Variants in GSDMC observed in about 807,000 individuals in gnomAD.
The protein encoded by GSDMC is gasdermin C.
Under a neutral mutation model 58.0 loss-of-function variants are expected in GSDMC, and 59 were observed. That is an observed-to-expected ratio of 1.02 (90% CI 0.82 to 1.26). The LOEUF (loss-of-function observed/expected upper bound fraction) is 1.26. GSDMC is among the 50% of genes most tolerant of loss of function. The pLI is 0.00. For missense variants in GSDMC, 659 were observed against 598.5 expected (o/e 1.10, Z -1.06); for synonymous variants, 241 against 220.2 (o/e 1.09, Z -0.83).
downstream of GSDMC, among the ~76,000 whole-genome samples, chr8:129,747,362 T>C (rs1166655540): frequency 1.3e-5 from 2 of 151,876 alleles, no homozygotes; most frequent in African/African-American, 4.8e-5. Context: ...AGATAGGAGA[T>C]GATAGAAGAG....
chr8:129,751,266 G>A (rs2033179354), intron 10 of GSDMC, among the ~76,000 whole-genome samples: 1 of 152,176 alleles, frequency 6.6e-6, no homozygotes, highest in African/African-American at 2.4e-5. Flanking sequence ...GAGACATCTG[G>A]CTCCCTCAGG....
chr8:129,775,783 C>T (rs1437906490), intron 3 of GSDMC, among the ~76,000 whole-genome samples: 1 of 152,098 alleles, frequency 6.6e-6, no homozygotes, highest in Non-Finnish European at 1.5e-5. Context: ...TATTTTCTTA[C>T]TCCCTGCCCA....
At position 129,782,736 on chromosome 8, in the gene GSDMC, A is replaced by C. The variant is rs145129316; in HGVS notation, c.-5+3275T>G. On this transcript the variant is annotated intron_variant, in intron 1 of 13. Transcript: ENST00000276708. ...TAATAAAAAGTCTCCCAGTAAATAA[A>C]AGCCTGGGACCCAGTGAATTCAATG... Among the ~76,000 whole-genome samples the C allele has an allele frequency of 3.5e-3, 538 of 152,266 alleles. 3 individuals carry two copies. Among genetic ancestry groups the C allele is most frequent in the African/African-American group, 0.013 (522 of 41,560 alleles).
At chr8:129,766,876 A>G (rs779090598) in intron 3 of GSDMC, among the ~76,000 whole-genome samples, 1 of 152,164 alleles carries the variant, frequency 6.6e-6, no homozygotes, top group Non-Finnish European at 1.5e-5. Flanking sequence ...GTCCCATGTC[A>G]CAGAGAACAT....
downstream of GSDMC, among the ~76,000 whole-genome samples, chr8:129,747,186 G>A (rs1417608973): frequency 6.6e-6 from 1 of 151,874 alleles, no homozygotes; most frequent in Non-Finnish European, 1.5e-5. Flanking sequence ...GAACCTGGGA[G>A]GTGGAGGTTG....
At chr8:129,776,738 C>CTGTTGT (rs35034463) in intron 2 of GSDMC, among the ~76,000 whole-genome samples, 1 of 150,900 alleles carries the variant, frequency 6.6e-6, no homozygotes, top group Non-Finnish European at 1.5e-5. Flanking sequence ...TTGGTTTTTG[C>CTGTTGT]TGTTGTTGTT....
At chr8:129,771,596 A>G (rs2034050769) in intron 3 of GSDMC, among the ~76,000 whole-genome samples, 1 of 152,216 alleles carries the variant, frequency 6.6e-6, no homozygotes, top group Non-Finnish European at 1.5e-5. Context: ...AATTCAAAAA[A>G]TATCTGAGAC....
At chr8:129,777,754 T>C (rs2034286485) in intron 1 of GSDMC, among the ~76,000 whole-genome samples, 163 bp from the exon 2 acceptor site, 1 of 152,194 alleles carries the variant, frequency 6.6e-6, no homozygotes, top group Admixed American at 6.5e-5. Flanking sequence ...TTTGAGTTCA[T>C]TTTTTTGTTG....
chr8:129,712,663 G>C, the GSDMC span, among the ~76,000 whole-genome samples: 1 of 152,142 alleles, frequency 6.6e-6, no homozygotes, highest in Non-Finnish European at 1.5e-5. Context: ...TGAAAACAAG[G>C]GCTTGGGCAT....
At chr8:129,756,054 T>G (rs1484444563) in intron 6 of GSDMC, among the ~76,000 whole-genome samples, 1 of 145,340 alleles carries the variant, frequency 6.9e-6, no homozygotes, top group Non-Finnish European at 1.5e-5. Flanking sequence ...AGATGAAGAG[T>G]GGCTGAAAGG....
At chr8:129,751,714 C>T in intron 9 of GSDMC, 146 bp from the exon 10 acceptor site, 1 of 1,123,454 alleles carries the variant, frequency 8.9e-7, no homozygotes, top group Non-Finnish European at 1.3e-6. Flanking sequence ...TCCATGTTCT[C>T]AGCTTTCTGG....
At chr8:129,722,385 T>G in the GSDMC span, among the ~76,000 whole-genome samples, 1 of 152,198 alleles carries the variant, frequency 6.6e-6, no homozygotes, top group Admixed American at 6.5e-5. Flanking sequence ...TGGGTTAGTG[T>G]AGCTTATAAA....
At chr8:129,717,894 A>G in the GSDMC span, among the ~76,000 whole-genome samples, 6 of 152,200 alleles carry the variant, frequency 3.9e-5, no homozygotes, top group Non-Finnish European at 5.9e-5. Flanking sequence ...CTGATCATTG[A>G]CAAACCTGAC....
chr8:129,739,056 A>G, the GSDMC span, among the ~76,000 whole-genome samples: 1 of 150,856 alleles, frequency 6.6e-6, no homozygotes, highest in African/African-American at 2.5e-5. Flanking sequence ...ATTTTTTTTT[A>G]TTATACTTTA....
chr8:129,776,741 T>C (rs76338089), intron 2 of GSDMC, among the ~76,000 whole-genome samples: 4 of 43,814 alleles, frequency 9.1e-5, no homozygotes, highest in Non-Finnish European at 1.5e-4. Context: ...GTTTTTGCTG[T>C]TGTTGTTGTT....
chr8:129,778,124 T>G (rs1405256105), intron 1 of GSDMC, among the ~76,000 whole-genome samples: 1 of 152,126 alleles, frequency 6.6e-6, no homozygotes, highest in Non-Finnish European at 1.5e-5. Context: ...TGTTTGCAGT[T>G]TTACAGTGAA....
At chr8:129,708,599 T>C in the GSDMC span, among the ~76,000 whole-genome samples, 1 of 152,244 alleles carries the variant, frequency 6.6e-6, no homozygotes, top group African/African-American at 2.4e-5. Flanking sequence ...AGAAGGGCCA[T>C]CTTTCACATT....
chr8:129,755,289 A>G (rs2033382563), intron 6 of GSDMC, among the ~76,000 whole-genome samples: 1 of 152,200 alleles, frequency 6.6e-6, no homozygotes, highest in East Asian at 1.9e-4. Flanking sequence ...TGGAAACCTT[A>G]CAGGCCAGGA....
chr8:129,717,381 T>C, the GSDMC span, among the ~76,000 whole-genome samples: 2 of 151,980 alleles, frequency 1.3e-5, no homozygotes, highest in Non-Finnish European at 2.9e-5. Flanking sequence ...GTCTAGAAAT[T>C]TATTCATTTC....
Sources: allele counts gnomAD v4.1 joint callset (sites outside exome capture counted in the v4.1 genomes callset), GRCh38; gene constraint gnomAD v4.1.1; transcripts MANE v1.5; gene names NCBI Gene and HGNC (gene_info 2026-07-23, HGNC 2026-07-21).